The following CNTNAP2 variants were observed in gnomAD, a reference collection of about 807,000 sequenced individuals.
CNTNAP2 encodes contactin-associated protein-like 2.
Under a neutral mutation model 155.2 loss-of-function variants are expected in CNTNAP2, and 98 were observed. The ratio of observed to expected loss-of-function variants is 0.63; its 90% CI spans 0.54 to 0.75. The LOEUF (loss-of-function observed/expected upper bound fraction) is 0.75, where lower values mean the gene tolerates loss of function less well. Ranked by LOEUF, CNTNAP2 falls within the 30% of genes least tolerant of loss-of-function variation. The pLI is 0.00. For missense variants in CNTNAP2, 1,727 were observed against 1,688.1 expected (o/e 1.02, Z -0.40); for synonymous variants, 651 against 631.2 (o/e 1.03, Z -0.47).
At chr7:146,146,654 A>G (rs1797962076) in intron 1 of CNTNAP2, among the ~76,000 whole-genome samples, 2 of 152,154 alleles carry the variant, frequency 1.3e-5, no homozygotes, top group Non-Finnish European at 2.9e-5. Context: ...ATATTTATAA[A>G]GTAGTGAGCT....
chr7:146,184,711 C>A (rs566595624), intron 1 of CNTNAP2, among the ~76,000 whole-genome samples: 1 of 152,042 alleles, frequency 6.6e-6, no homozygotes, highest in Non-Finnish European at 1.5e-5. Context: ...AAAGGAAATG[C>A]GTGTGGCTCA....
intron 1 of CNTNAP2, among the ~76,000 whole-genome samples, chr7:146,608,864 T>A (rs935605469): frequency 6.6e-6 from 1 of 152,154 alleles, no homozygotes; most frequent in Admixed American, 6.5e-5. Flanking sequence ...CAACATGTAG[T>A]GTACATACCT....
chr7:146,907,600 TGA>T (rs1402967846), intron 3 of CNTNAP2, among the ~76,000 whole-genome samples: 2 of 149,050 alleles, frequency 1.3e-5, no homozygotes, highest in African/African-American at 5.0e-5. Flanking sequence ...AAGCAAATGC[TGA>T]GAGATTTTGT....
At chr7:147,685,335 C>A (rs1174643968) in intron 13 of CNTNAP2, among the ~76,000 whole-genome samples, 1 of 151,932 alleles carries the variant, frequency 6.6e-6, no homozygotes, top group African/African-American at 2.4e-5. Flanking sequence ...AGAGTGATGA[C>A]TCTTGCTACC....
chr7:147,417,404 G>C (rs1395810620), intron 10 of CNTNAP2, among the ~76,000 whole-genome samples: 1 of 152,122 alleles, frequency 6.6e-6, no homozygotes, highest in Non-Finnish European at 1.5e-5. Flanking sequence ...GGCAGGCAAA[G>C]GAGCTCTCTG....
chr7:146,572,601 A>T (rs1798459775), intron 1 of CNTNAP2, among the ~76,000 whole-genome samples: 1 of 152,210 alleles, frequency 6.6e-6, no homozygotes, highest in Admixed American at 6.5e-5. Context: ...CAAGGAGGAC[A>T]TGAACATATT....
At chr7:146,281,953 T>G (rs1212778638) in intron 1 of CNTNAP2, among the ~76,000 whole-genome samples, 2 of 152,192 alleles carry the variant, frequency 1.3e-5, no homozygotes, top group African/African-American at 2.4e-5. Context: ...TTCTATTTTA[T>G]TATAAATTGT....
chr7:146,707,299 A>G (rs1800983088), intron 1 of CNTNAP2, among the ~76,000 whole-genome samples: 1 of 152,184 alleles, frequency 6.6e-6, no homozygotes. Flanking sequence ...TGCCTGGCCC[A>G]GATCCTCTTC....
At chr7:147,349,912 G>T (rs1795940839) in intron 9 of CNTNAP2, among the ~76,000 whole-genome samples, 1 of 151,882 alleles carries the variant, frequency 6.6e-6, no homozygotes, top group Admixed American at 6.6e-5. Context: ...ACACCATTTT[G>T]TGGTCTGGCT....
At chr7:147,327,429 C>T (rs950618439) in intron 9 of CNTNAP2, among the ~76,000 whole-genome samples, 1 of 152,146 alleles carries the variant, frequency 6.6e-6, no homozygotes, top group African/African-American at 2.4e-5. Flanking sequence ...ATTTCATTGG[C>T]ATTTTCTTAA....
chr7:147,118,579 C>G (rs901625266), intron 5 of CNTNAP2, among the ~76,000 whole-genome samples: 1 of 151,286 alleles, frequency 6.6e-6, no homozygotes, highest in African/African-American at 2.4e-5. Context: ...AGTTTCAACA[C>G]TTTGTAAATA....
At chr7:148,174,910 C>T (rs968546363) in intron 18 of CNTNAP2, among the ~76,000 whole-genome samples, 1 of 151,994 alleles carries the variant, frequency 6.6e-6, no homozygotes. Flanking sequence ...CTCCCCTTGC[C>T]GCCAACCCCC....
chr7:148,077,653 A>G (rs1187432255), intron 15 of CNTNAP2, among the ~76,000 whole-genome samples: 1 of 152,190 alleles, frequency 6.6e-6, no homozygotes, highest in Non-Finnish European at 1.5e-5. Context: ...ATAAAACTAT[A>G]CACTCAAGAC....
intron 23 of CNTNAP2, among the ~76,000 whole-genome samples, chr7:148,409,682 C>A (rs1045296610): frequency 6.6e-5 from 10 of 151,472 alleles, no homozygotes; most frequent in African/African-American, 2.2e-4. Flanking sequence ...TTTGGGAGGC[C>A]GAGGTGGGCA....
chr7:147,054,397 G>C (rs901860359), intron 4 of CNTNAP2, among the ~76,000 whole-genome samples: 12 of 152,154 alleles, frequency 7.9e-5, no homozygotes, highest in South Asian at 2.1e-4. Flanking sequence ...ATATCAGTTA[G>C]TGTATTTTCT....
intron 9 of CNTNAP2, among the ~76,000 whole-genome samples, chr7:147,385,839 T>C (rs879361495): frequency 6.6e-6 from 1 of 152,230 alleles, no homozygotes. Flanking sequence ...AGACTCTGTG[T>C]GGGGCCTCTG....
Position 148,140,421 on chromosome 7 carries a change from C to CTTT in CNTNAP2, c.2555-7055_2555-7053dup, listed in dbSNP as rs750371666. Among the ~76,000 whole-genome samples, 1,134 of 135,370 alleles carry CTTT rather than the reference C, an allele frequency of 8.4e-3. 20 individuals are homozygous for CTTT. Among genetic ancestry groups the CTTT allele is most frequent in the African/African-American group, 0.029 (1,048 of 36,504 alleles). The allele number at this position is 135,370 out of a possible 152,430, so 88.8% of individuals were successfully genotyped here. A position where few individuals can be genotyped will look rare whatever the true frequency, so the allele number is the denominator to read the frequency against. On this transcript the variant is annotated intron_variant, in intron 16 of 23. Transcript: ENST00000361727. ...GTAAGGCCCCATCTTTTTTCTTTTT[C>CTTT]TTTTTTTTTTTTTTTTTGAGACAGA...
chr7:146,780,406 G>A (rs969555241), intron 2 of CNTNAP2, among the ~76,000 whole-genome samples: 1 of 151,900 alleles, frequency 6.6e-6, no homozygotes, highest in Non-Finnish European at 1.5e-5. Context: ...AGCCAGGATC[G>A]TCTCAATCTC....
chr7:147,412,677 G>C (rs911804475), intron 10 of CNTNAP2, among the ~76,000 whole-genome samples: 4 of 152,112 alleles, frequency 2.6e-5, no homozygotes, highest in Non-Finnish European at 5.9e-5. Flanking sequence ...AAAGGACTAT[G>C]AAATTATAAA....
Sources: allele counts gnomAD v4.1 joint callset (sites outside exome capture counted in the v4.1 genomes callset), GRCh38; gene constraint gnomAD v4.1.1; transcripts MANE v1.5; gene names NCBI Gene and HGNC (gene_info 2026-07-23, HGNC 2026-07-21).